The following ZNRF3 variants were observed in gnomAD, a reference collection of about 807,000 sequenced individuals.
The protein encoded by ZNRF3 is zinc and ring finger 3.
In ZNRF3, 23 loss-of-function variants were observed where a neutral mutation model predicts 72.5. The observed-to-expected ratio is 0.32, with a 90% CI of 0.23 to 0.45. ZNRF3 has a LOEUF of 0.45. Among genes scored for constraint, ZNRF3 ranks in the 20% least tolerant of loss-of-function variants. The pLI is 1.00. For missense variants in ZNRF3, 1,169 were observed against 1,272.1 expected, an observed-to-expected ratio of 0.92 and a Z score of 1.23; for synonymous variants, 610 against 545.3, an observed-to-expected ratio of 1.12 and a Z score of -1.65.
chr22:28,892,890 C>T (rs12628719), intron 1 of ZNRF3, among the ~76,000 whole-genome samples: 4 of 152,008 alleles, frequency 2.6e-5, no homozygotes, highest in Non-Finnish European at 5.9e-5. Flanking sequence ...ATAAAAGAGC[C>T]GGCGCGGTGG....
At position 28,939,991 on chromosome 22, in the gene ZNRF3, A is replaced by G. The variant is rs187767134; in HGVS notation, c.301-47085A>G. Among the ~76,000 whole-genome samples the G allele has an allele frequency of 1.8e-3, 274 of 152,280 alleles. 1 individual carries two copies. The highest frequency in any genetic ancestry group is 0.014 in the Middle Eastern group (4 of 294). ...GTAGTCCTCATTATGAATTAACTTA[A>G]TCCTCAGGTCTTTCACTGTGAGGAA... On this transcript the variant is annotated intron_variant, in intron 1 of 8. Coordinates refer to ENST00000544604, the MANE Select transcript of ZNRF3 (RefSeq NM_001206998.2).
At chr22:28,979,648 A>G (rs1388057453) in intron 1 of ZNRF3, among the ~76,000 whole-genome samples, 1 of 152,202 alleles carries the variant, frequency 6.6e-6, no homozygotes, top group Non-Finnish European at 1.5e-5. Context: ...CTGGTCCCTC[A>G]CTTAGCAGAG....
rs5762957 is a variant in ZNRF3, at chr22:29,043,298, G to T, written c.502-1G>T. ...AACCAGAGCCCTCTCTTCTTCCTTA[G>T]CTGAACCAGGGCTCTGAAGACCCGC... On this transcript the variant is annotated splice_acceptor_variant, in intron 3 of 8. Transcript: ENST00000544604. LOFTEE classifies it high-confidence loss of function. 6.2e-7 allele frequency: 1 copy of T among 1,613,726 alleles called. No homozygotes were observed. The highest frequency in any genetic ancestry group is 1.7e-5 in the Admixed American group (1 of 59,950).
At chr22:28,972,359 A>G (rs2035591422) in intron 1 of ZNRF3, among the ~76,000 whole-genome samples, 1 of 152,184 alleles carries the variant, frequency 6.6e-6, no homozygotes, top group Admixed American at 6.5e-5. Flanking sequence ...TAATAGACTC[A>G]TATAAGATGT....
intron 1 of ZNRF3, among the ~76,000 whole-genome samples, chr22:28,915,390 T>A (rs2034390748): frequency 6.6e-6 from 1 of 152,214 alleles, no homozygotes; most frequent in Admixed American, 6.5e-5. Context: ...CTTGGTCACC[T>A]CTTTATAGAC....
At chr22:28,945,377 C>G (rs2035034962) in intron 1 of ZNRF3, among the ~76,000 whole-genome samples, 1 of 151,860 alleles carries the variant, frequency 6.6e-6, no homozygotes, top group African/African-American at 2.4e-5. Flanking sequence ...GAATATTAAG[C>G]AATGTGTCAT....
rs749859649 is a variant in ZNRF3 at position 29,049,684 on chromosome 22, G to A, written c.1503G>A (p.Pro501=). ...GGGGCCCGGCCCGTGCCTTTCCTCCGAGCGGCAGTGGCAGCCTGCTCTTCC... is the reference window on the plus strand; with the variant it reads ...GGGGCCCGGCCCGTGCCTTTCCTCCAAGCGGCAGTGGCAGCCTGCTCTTCC... The part of the protein sequence containing the change: ...APRGPARAFP[P]SGSGSLLFPT... Residue 501 remains proline (P), a synonymous_variant, in exon 8 of 9, where the codon CCG becomes CCA. Coordinates refer to ENST00000544604, the MANE Select transcript of ZNRF3 (RefSeq NM_001206998.2). The surrounding 1 kb of genome is among the most constrained non-coding windows in gnomAD (Gnocchi z 5.2). 5 of 1,607,394 alleles carry A rather than the reference G, an allele frequency of 3.1e-6. No homozygotes were observed. The highest frequency in any genetic ancestry group is 3.3e-4 in the Middle Eastern group (2 of 6,056).
At chr22:28,960,171 A>G (rs2035331279) in intron 1 of ZNRF3, among the ~76,000 whole-genome samples, 1 of 152,234 alleles carries the variant, frequency 6.6e-6, no homozygotes, top group Non-Finnish European at 1.5e-5. Flanking sequence ...AGCATGTTAA[A>G]AAACCAGAGT....
intron 1 of ZNRF3, among the ~76,000 whole-genome samples, chr22:28,965,597 A>G (rs1311365158): frequency 1.3e-5 from 2 of 152,236 alleles, no homozygotes; most frequent in East Asian, 3.8e-4. Flanking sequence ...CTAAGTGCTG[A>G]GAACAGTTCT....
intron 1 of ZNRF3, among the ~76,000 whole-genome samples, chr22:28,949,470 G>A (rs2035116830): frequency 6.6e-6 from 1 of 151,852 alleles, no homozygotes; most frequent in South Asian, 2.1e-4. Context: ...ATACTGATGG[G>A]GTTTCACCAT....
At chr22:28,927,344 A>G (rs1221613142) in intron 1 of ZNRF3, among the ~76,000 whole-genome samples, 1 of 152,176 alleles carries the variant, frequency 6.6e-6, no homozygotes, top group African/African-American at 2.4e-5. Flanking sequence ...TCACAAGGTC[A>G]GGAGATTGAG....
chr22:29,049,329 C>T lies in ZNRF3; in HGVS notation c.1148C>T (p.Thr383Met), dbSNP rs773251755. The T allele has an allele frequency of 9.9e-6, 16 of 1,613,742 alleles. No homozygotes were observed. In the African/African-American group the frequency reaches 1.7e-4, roughly 18 times the overall value. Residue 383 changes from threonine (T) to methionine (M), a missense_variant, in exon 8 of 9, where the codon ACG (threonine) becomes ATG (methionine). By Grantham distance (81) the Thr-to-Met change is moderately conservative (BLOSUM62 -1). Transcript: ENST00000544604. This position sits in a 1 kb window ranked among gnomAD's most constrained non-coding sequence, Gnocchi z 5.2. ...ACCAACGCCATCCCAGCCTACCCTA[C>T]GAGGACAAGCATGGACTCCCACGGC... ...HRTNAIPAYP[T>M]RTSMDSHGNP... is the part of the protein sequence containing the mutation.
chr22:28,937,207 ATATATATATTTTTTTTTT>A (rs2034849129), intron 1 of ZNRF3, among the ~76,000 whole-genome samples: 3 of 2,854 alleles, frequency 1.1e-3, no homozygotes, highest in African/African-American at 1.5e-3. Context: ...ATATATATAT[ATATATATATTTTTTTTTT>A]TTTTTTTTTT....
intron 1 of ZNRF3, among the ~76,000 whole-genome samples, chr22:28,910,298 C>T (rs2034293400): frequency 6.6e-6 from 1 of 152,048 alleles, no homozygotes. Context: ...ACCTGGGCCT[C>T]TCAAAGTGCT....
intron 1 of ZNRF3, among the ~76,000 whole-genome samples, chr22:28,976,054 T>C (rs1427757001): frequency 1.3e-5 from 2 of 152,228 alleles, no homozygotes; most frequent in Non-Finnish European, 2.9e-5. Flanking sequence ...GTTCTGTACC[T>C]GCTCATATGG....
At chr22:28,970,283 G>A (rs750751090) in intron 1 of ZNRF3, among the ~76,000 whole-genome samples, 1 of 152,088 alleles carries the variant, frequency 6.6e-6, no homozygotes, top group Non-Finnish European at 1.5e-5. Context: ...AGCAACATCG[G>A]GCATCAGTAA....
chr22:29,007,587 CGCACCATT>C (rs1372808656), intron 2 of ZNRF3, among the ~76,000 whole-genome samples: 1 of 151,866 alleles, frequency 6.6e-6, no homozygotes, highest in African/African-American at 2.4e-5. Context: ...GAGCTGTGAT[CGCACCATT>C]GCACTCCAGC....
At chr22:29,032,380 G>C (rs972989211) in intron 2 of ZNRF3, among the ~76,000 whole-genome samples, 1 of 152,160 alleles carries the variant, frequency 6.6e-6, no homozygotes, top group South Asian at 2.1e-4. Context: ...ACACGCAGGG[G>C]CTGGGGCCTG....
At chr22:28,894,678 C>T (rs1245594707) in intron 1 of ZNRF3, among the ~76,000 whole-genome samples, 4 of 152,038 alleles carry the variant, frequency 2.6e-5, no homozygotes, top group East Asian at 1.9e-4. Flanking sequence ...TCAGAAAGGC[C>T]GAATGAATCT....
Sources: gnomAD v4.1 joint callset for allele counts (sites outside exome capture counted in the v4.1 genomes callset) on GRCh38, gnomAD v4.1.1 for gene constraint, Gnocchi (gnomAD v3.1) non-coding constraint, MANE v1.5 for transcripts, NCBI Gene and HGNC (gene_info 2026-07-23, HGNC 2026-07-21) for gene names.